The following QTMAN variants were observed in gnomAD, a reference collection of about 807,000 sequenced individuals.
QTMAN encodes tRNA-queuosine alpha-mannosyltransferase.
the QTMAN span, among the ~76,000 whole-genome samples, chr2:143,973,786 C>T: frequency 1.4e-5 from 2 of 139,880 alleles, no homozygotes; most frequent in African/African-American, 5.6e-5. Flanking sequence ...GAAACTCCGT[C>T]TCAAAAAAAA....
At chr2:144,050,781 G>GCACACACA in the QTMAN span, among the ~76,000 whole-genome samples, 6,527 of 148,970 alleles carry the variant, frequency 0.044, 473 homozygotes, top group African/African-American at 0.15. Context: ...CTTTCAGTCA[G>GCACACACA]CACACACACA....
the QTMAN span, among the ~76,000 whole-genome samples, chr2:144,204,580 C>T: frequency 3.9e-5 from 6 of 152,122 alleles, no homozygotes; most frequent in African/African-American, 9.7e-5. Flanking sequence ...TGGAAGTCAG[C>T]GTGGCAATTC....
chr2:144,092,880 T>TGA, the QTMAN span, among the ~76,000 whole-genome samples: 11 of 139,460 alleles, frequency 7.9e-5, no homozygotes, highest in Non-Finnish European at 1.6e-4. Context: ...GGTGTGTGTG[T>TGA]GTGTGTGTGT....
At chr2:143,966,997 T>C in the QTMAN span, among the ~76,000 whole-genome samples, 1 of 152,370 alleles carries the variant, frequency 6.6e-6, no homozygotes, top group Non-Finnish European at 1.5e-5. Flanking sequence ...CCTGCAGTGA[T>C]ACATTAAGCC....
At chr2:143,949,893 G>A in the QTMAN span, among the ~76,000 whole-genome samples, 1 of 151,332 alleles carries the variant, frequency 6.6e-6, no homozygotes, top group South Asian at 2.1e-4. Context: ...CTAAATCTGT[G>A]GTCCTTCCTG....
the QTMAN span, among the ~76,000 whole-genome samples, chr2:143,995,923 G>A: frequency 6.6e-6 from 1 of 152,042 alleles, no homozygotes; most frequent in South Asian, 2.1e-4. Flanking sequence ...CTCCCCAAGT[G>A]TTCTCCATCT....
chr2:144,018,955 T>C, the QTMAN span, among the ~76,000 whole-genome samples: 2 of 152,106 alleles, frequency 1.3e-5, no homozygotes, highest in South Asian at 4.1e-4. Flanking sequence ...GAGCAAGAGC[T>C]GGGATGTGCT....
the QTMAN span, among the ~76,000 whole-genome samples, chr2:144,175,929 T>C: frequency 1.2e-4 from 18 of 152,174 alleles, no homozygotes; most frequent in African/African-American, 4.1e-4. Context: ...GCTCTGAAAG[T>C]GCTGAGATTA....
chr2:144,121,525 A>G, the QTMAN span, among the ~76,000 whole-genome samples: 1 of 152,170 alleles, frequency 6.6e-6, no homozygotes. Context: ...TGTCAGGTGC[A>G]TCTACCATAC....
At chr2:144,178,106 T>A in the QTMAN span, among the ~76,000 whole-genome samples, 1 of 152,138 alleles carries the variant, frequency 6.6e-6, no homozygotes, top group African/African-American at 2.4e-5. Flanking sequence ...CTGGATATAT[T>A]TTCATGACAG....
the QTMAN span, among the ~76,000 whole-genome samples, chr2:144,324,636 A>G: frequency 2.6e-5 from 4 of 152,320 alleles, no homozygotes; most frequent in Middle Eastern, 3.4e-3. Context: ...ATTGCTCACA[A>G]GGTCCGGACA....
the QTMAN span, among the ~76,000 whole-genome samples, chr2:144,318,242 T>A: frequency 6.9e-6 from 1 of 145,726 alleles, no homozygotes; most frequent in African/African-American, 2.8e-5. Context: ...CAAATTGTGG[T>A]CCTTCCTAAA....
the QTMAN span, among the ~76,000 whole-genome samples, chr2:143,962,303 A>G: frequency 6.6e-6 from 1 of 152,146 alleles, no homozygotes; most frequent in Admixed American, 6.6e-5. Flanking sequence ...GACTGTGTCT[A>G]CATGGGGAGG....
At chr2:144,202,273 G>A in the QTMAN span, among the ~76,000 whole-genome samples, 1 of 152,136 alleles carries the variant, frequency 6.6e-6, no homozygotes, top group South Asian at 2.1e-4. Flanking sequence ...TAGCTCTAGA[G>A]GCCCCATGTA....
chr2:144,222,623 G>A, the QTMAN span, among the ~76,000 whole-genome samples: 5 of 151,646 alleles, frequency 3.3e-5, no homozygotes, highest in East Asian at 2.0e-4. Context: ...TGGCTAACAC[G>A]GTGAAATCCC....
At chr2:144,257,353 A>T in the QTMAN span, among the ~76,000 whole-genome samples, 2 of 152,114 alleles carry the variant, frequency 1.3e-5, no homozygotes, top group African/African-American at 4.8e-5. Context: ...CCTAGGAGAG[A>T]ATAGGAAAGG....
chr2:144,267,058 T>C, the QTMAN span, among the ~76,000 whole-genome samples: 2 of 152,028 alleles, frequency 1.3e-5, no homozygotes, highest in African/African-American at 4.8e-5. Context: ...GAAATGCAGA[T>C]ATTTAGAGGA....
At chr2:144,075,325 T>C in the QTMAN span, among the ~76,000 whole-genome samples, 1 of 152,212 alleles carries the variant, frequency 6.6e-6, no homozygotes, top group African/African-American at 2.4e-5. Flanking sequence ...GTTAAAAGCG[T>C]CACTTTTTCT....
At chr2:144,129,176 T>G in the QTMAN span, among the ~76,000 whole-genome samples, 1 of 151,968 alleles carries the variant, frequency 6.6e-6, no homozygotes, top group African/African-American at 2.4e-5. Context: ...ATAGATGACT[T>G]GGTCTGCTCA....
Sources: gnomAD v4.1 joint callset for allele counts (sites outside exome capture counted in the v4.1 genomes callset) on GRCh38, gnomAD v4.1.1 for gene constraint, MANE v1.5 for transcripts, NCBI Gene and HGNC (gene_info 2026-07-23, HGNC 2026-07-21) for gene names.